The following TRAK1 variants were observed in gnomAD, a reference collection of about 807,000 sequenced individuals.
TRAK1 encodes the protein trafficking kinesin protein 1.
A neutral mutation model predicts 92.1 loss-of-function variants in TRAK1; 33 were observed. The observed-to-expected ratio is 0.36, with a 90% CI of 0.27 to 0.48. TRAK1 has a LOEUF of 0.48. TRAK1 is among the 20% of genes least tolerant of loss of function. The pLI is 0.99. For synonymous variants in TRAK1, 521 were observed against 517.3 expected (o/e 1.01, Z -0.10); for missense variants, 1,123 against 1,257.9 (o/e 0.89, Z 1.62).
In TRAK1 at chr3:42,224,249, T is replaced by A; in HGVS notation, c.*512T>A. 1 of 348,832 alleles carries A rather than the reference T, an allele frequency of 2.9e-6. No individual in the cohort carries two copies. Among genetic ancestry groups the A allele is most frequent in the Non-Finnish European group, 5.5e-6 (1 of 180,830 alleles). The allele number at this position is 348,832 out of a possible 1,614,324, so 21.6% of individuals were successfully genotyped here. On this transcript the variant is annotated 3_prime_UTR_variant, in exon 16 of 16. Coordinates refer to ENST00000327628, the MANE Select transcript of TRAK1 (RefSeq NM_001042646.3). ...TCAGCCACGTGCAGCTGACGTGGCTTTCCTGATCGGAGGGCTTTTCTTTTA... is the reference window on the plus strand; with the variant it reads ...TCAGCCACGTGCAGCTGACGTGGCTATCCTGATCGGAGGGCTTTTCTTTTA...
chr3:42,059,988 A>C (rs1345466374), intron 1 of TRAK1, among the ~76,000 whole-genome samples: 1 of 152,238 alleles, frequency 6.6e-6, no homozygotes, highest in African/African-American at 2.4e-5. Context: ...TGCTTGTTTG[A>C]TATTAATCAC....
chr3:42,189,277 T>G (rs914348980), intron 6 of TRAK1, among the ~76,000 whole-genome samples, 153 bp downstream of exon 6: 4 of 152,196 alleles, frequency 2.6e-5, no homozygotes, highest in Non-Finnish European at 5.9e-5. Flanking sequence ...TCCTCTATGC[T>G]CTGGGCACTG....
chr3:42,088,412 C>T (rs1704800924), upstream of TRAK1, among the ~76,000 whole-genome samples: 1 of 152,166 alleles, frequency 6.6e-6, no homozygotes, highest in Non-Finnish European at 1.5e-5. Flanking sequence ...GTCCCTCTCC[C>T]ACTTGCCTGC....
chr3:42,026,563 T>C (rs1289972192), intron 1 of TRAK1, among the ~76,000 whole-genome samples: 2 of 150,818 alleles, frequency 1.3e-5, no homozygotes, highest in African/African-American at 4.9e-5. Context: ...CTCACTCTGT[T>C]GCCCAGGCTA....
At chr3:42,142,104 C>T (rs1698739814) in intron 2 of TRAK1, among the ~76,000 whole-genome samples, 1 of 152,072 alleles carries the variant, frequency 6.6e-6, no homozygotes, top group African/African-American at 2.4e-5. Context: ...TGCACTCCAG[C>T]CTGGGTGACA....
chr3:42,128,374 A>G (rs1710859086), intron 2 of TRAK1, among the ~76,000 whole-genome samples: 1 of 152,238 alleles, frequency 6.6e-6, no homozygotes. Context: ...AAGTTCTTAG[A>G]GCCTGCTTGC....
At chr3:42,060,047 TTC>T (rs1219439338) in intron 1 of TRAK1, among the ~76,000 whole-genome samples, 2 of 152,216 alleles carry the variant, frequency 1.3e-5, no homozygotes, top group African/African-American at 4.8e-5. Context: ...TTAAAAAACA[TTC>T]TGTTTTTTTC....
At chr3:42,042,496 A>G (rs1702586911) in intron 1 of TRAK1, among the ~76,000 whole-genome samples, 1 of 151,790 alleles carries the variant, frequency 6.6e-6, no homozygotes, top group Non-Finnish European at 1.5e-5. Context: ...CTTAGCCTCC[A>G]GAGTAGCTGA....
intron 14 of TRAK1, chr3:42,219,065 C>T: frequency 1.0e-6 from 1 of 985,458 alleles, no homozygotes; most frequent in Non-Finnish European, 1.2e-6. Context: ...GCCTGTACTT[C>T]TCCCCTTCCT....
Position 42,196,983 on chromosome 3 carries a change from T to TTC in TRAK1, c.1113+2061_1113+2062dup, listed in dbSNP as rs751918693. On this transcript the variant is annotated intron_variant, in intron 10 of 15. Transcript: ENST00000327628. ...TCTCTCTCTCTCTCTCTCTTTCTCTTTCTCTCTCTCTCTCTCTCTCACACA... is the reference window on the plus strand; with the variant it reads ...TCTCTCTCTCTCTCTCTCTTTCTCTTTCTCTCTCTCTCTCTCTCTCTCACACA... Among the ~76,000 whole-genome samples, 89 of 123,330 alleles carry TTC rather than the reference T, an allele frequency of 7.2e-4. No individual in the cohort carries two copies. The South Asian group carries it at 0.012, about 17-fold the overall frequency. 80.9% of individuals were successfully genotyped at this position (123,330 alleles called of 152,430 possible).
chr3:42,176,719 T>TGCA, intron 2 of TRAK1, 95 bp from the exon 3 acceptor site: 1 of 1,096,152 alleles, frequency 9.1e-7, no homozygotes, highest in South Asian at 1.3e-5. Context: ...GTGTCTAATG[T>TGCA]GCAGGCACAA....
Position 42,103,596 on chromosome 3 carries a change from G to A in TRAK1, c.91+12036G>A, listed in dbSNP as rs547076765. Among the ~76,000 whole-genome samples the A allele has an allele frequency of 6.6e-5, 10 of 152,246 alleles. No individual in the cohort carries two copies. In the East Asian group the frequency reaches 9.7e-4, roughly 15 times the overall value. On this transcript the variant is annotated intron_variant, in intron 1 of 15. Transcript: ENST00000327628. Reference sequence around the variant, plus strand: ...TCTTGAGTGGTCATCGATGCTATTCGAGGGTACACTTAACAGACATTTTAT... The same window carrying A: ...TCTTGAGTGGTCATCGATGCTATTCAAGGGTACACTTAACAGACATTTTAT...
At chr3:42,030,372 A>AAAAAATATAT (rs540353037) in intron 1 of TRAK1, among the ~76,000 whole-genome samples, 13 of 132,316 alleles carry the variant, frequency 9.8e-5, no homozygotes, top group African/African-American at 3.1e-4. Flanking sequence ...TAAAAAAAAA[A>AAAAAATATAT]ATATATATAT....
intron 1 of TRAK1, among the ~76,000 whole-genome samples, chr3:42,069,534 A>G (rs528593817): frequency 1.8e-4 from 28 of 152,184 alleles, no homozygotes; most frequent in Admixed American, 1.1e-3. Flanking sequence ...TTCTTTAATT[A>G]TATTTTTACA....
At position 42,194,820 on chromosome 3, in the gene TRAK1, A is replaced by G. The variant is rs575394877; in HGVS notation, c.992A>G (p.Asp331Gly). Residue 331 changes from aspartate to glycine, a missense_variant, in exon 10 of 16, where the codon GAC becomes GGC. Coordinates refer to ENST00000327628, the MANE Select transcript of TRAK1 (RefSeq NM_001042646.3). Reference sequence around the variant, plus strand: ...TGCCTGCAGCTGCGTGAGCTGGAGGACAAGTACGCAGAGTGCATGGAGATG... The same window carrying G: ...TGCCTGCAGCTGCGTGAGCTGGAGGGCAAGTACGCAGAGTGCATGGAGATG... The part of the protein sequence containing the change: ...QLTAELRELE[D>G]KYAECMEMLH... The G allele has an allele frequency of 2.2e-5, 36 of 1,613,526 alleles. No individual in the cohort carries two copies. Among genetic ancestry groups the G allele is most frequent in the Non-Finnish European group, 3.0e-5 (35 of 1,179,844 alleles).
intron 1 of TRAK1, among the ~76,000 whole-genome samples, chr3:42,124,459 A>G (rs1710301345): frequency 6.6e-6 from 1 of 152,174 alleles, no homozygotes; most frequent in South Asian, 2.1e-4. Context: ...AAGCACTGGG[A>G]TAGAGAAGTA....
intron 5 of TRAK1, 113 bp downstream of exon 5, chr3:42,188,258 T>C: frequency 1.1e-6 from 1 of 918,864 alleles, no homozygotes; most frequent in Non-Finnish European, 1.8e-6. Flanking sequence ...GGTCAGCTGC[T>C]CTCAGCCTTC....
intron 1 of TRAK1, among the ~76,000 whole-genome samples, chr3:42,066,870 G>A (rs1220646591): frequency 2.6e-5 from 4 of 152,136 alleles, no homozygotes; most frequent in African/African-American, 9.7e-5. Flanking sequence ...TTTTTCAGGG[G>A]CTGGGGGGAG....
intron 1 of TRAK1, among the ~76,000 whole-genome samples, chr3:42,122,316 CATT>C (rs955779405): frequency 1.3e-5 from 2 of 151,304 alleles, no homozygotes; most frequent in African/African-American, 4.9e-5. Flanking sequence ...ATAAGTGAGA[CATT>C]ATTCTGAGAT....
Sources: allele counts gnomAD v4.1 joint callset (sites outside exome capture counted in the v4.1 genomes callset), GRCh38; gene constraint gnomAD v4.1.1; transcripts MANE v1.5; gene names NCBI Gene and HGNC (gene_info 2026-07-23, HGNC 2026-07-21).